ZBTB7C: variants seen among roughly 807,000 people sequenced by gnomAD.
The protein encoded by ZBTB7C is zinc finger and BTB domain containing 7C.
ZBTB7C carries 8 observed loss-of-function variants against 25.7 expected under a neutral mutation model. That is an observed-to-expected ratio of 0.31 (90% CI 0.18 to 0.56). ZBTB7C has a LOEUF of 0.56. Among genes scored for constraint, ZBTB7C ranks in the 20% least tolerant of loss-of-function variants. The pLI, the probability that ZBTB7C is intolerant of heterozygous loss-of-function variation, is 0.91. For missense variants in ZBTB7C, 824 were observed against 855.2 expected (o/e 0.96, Z 0.46); for synonymous variants, 394 against 369.0 (o/e 1.07, Z -0.78).
Position 48,400,329 on chromosome 18 carries a change from T to G in ZBTB7C, c.-304+8897A>C, listed in dbSNP as rs1372126122. ...GGGAAGGGACTAAATTTGCTTTCTG[T>G]GTCTTTCTTTCAGGAGTTAAAGAAC... On this transcript the variant is annotated intron_variant, in intron 1 of 4. Transcript: ENST00000590800. 3.3e-5 allele frequency among the ~76,000 whole-genome samples: 5 copies of G among 152,362 alleles called. No individual in the cohort carries two copies. The East Asian group carries it at 9.6e-4, about 29-fold the overall frequency.
At position 48,099,896 on chromosome 18, in the gene ZBTB7C, G is replaced by A. The variant is rs575786245; in HGVS notation, c.-16-58773C>T. 7.2e-5 allele frequency among the ~76,000 whole-genome samples: 11 copies of A among 152,302 alleles called. No individual in the cohort carries two copies. The South Asian group carries it at 1.0e-3, about 14-fold the overall frequency. ...AAGGCTCAAAGTGCCTCCCCCAGAC[G>A]TATTTCTGAACACAGTTCCCTTTTA... On this transcript the variant is annotated intron_variant, in intron 3 of 4. Transcript: ENST00000590800.
At chr18:48,328,073 T>G (rs2046264165) in intron 2 of ZBTB7C, among the ~76,000 whole-genome samples, 1 of 151,024 alleles carries the variant, frequency 6.6e-6, no homozygotes, top group Non-Finnish European at 1.5e-5. Context: ...TCCCAGCTAC[T>G]TGGGAGGCTG....
chr18:48,259,992 A>G (rs1269572472), intron 2 of ZBTB7C, among the ~76,000 whole-genome samples: 1 of 152,244 alleles, frequency 6.6e-6, no homozygotes, highest in African/African-American at 2.4e-5. Flanking sequence ...CACACAGTCC[A>G]ATCATTCCCT....
chr18:48,217,790 A>C (rs935200080), intron 2 of ZBTB7C, among the ~76,000 whole-genome samples: 1 of 152,154 alleles, frequency 6.6e-6, no homozygotes, highest in African/African-American at 2.4e-5. Context: ...GTCTGGCCTG[A>C]CTAGAGGGTG....
chr18:48,071,517 T>C (rs1484789034), intron 3 of ZBTB7C, among the ~76,000 whole-genome samples: 1 of 152,164 alleles, frequency 6.6e-6, no homozygotes, highest in Admixed American at 6.5e-5. Context: ...TGTAGAGAAA[T>C]TGGAACCCTT....
At chr18:48,137,422 AC>A (rs1568248126) in intron 3 of ZBTB7C, 2 of 635,170 alleles carry the variant, frequency 3.1e-6, no homozygotes, top group East Asian at 1.4e-4. Flanking sequence ...GTTTCCCCCC[AC>A]TCTCCTTCTC....
chr18:48,385,326 T>C (rs2047724566), intron 1 of ZBTB7C, among the ~76,000 whole-genome samples: 1 of 152,224 alleles, frequency 6.6e-6, no homozygotes, highest in African/African-American at 2.4e-5. Flanking sequence ...CAAATCACAG[T>C]ACCTACAATG....
intron 2 of ZBTB7C, among the ~76,000 whole-genome samples, chr18:48,251,110 G>T (rs112430958): frequency 7.0e-4 from 106 of 152,100 alleles, no homozygotes; most frequent in African/African-American, 2.5e-3. Flanking sequence ...TGTAGTCCCG[G>T]CTACTCAGGA....
intron 1 of ZBTB7C, among the ~76,000 whole-genome samples, chr18:48,352,824 G>C (rs1254816644): frequency 6.6e-6 from 1 of 152,110 alleles, no homozygotes; most frequent in Non-Finnish European, 1.5e-5. Flanking sequence ...AAGGCGCAGG[G>C]GGTAGCTCTG....
chr18:48,248,236 C>T (rs1027831853), intron 2 of ZBTB7C, among the ~76,000 whole-genome samples: 1 of 152,028 alleles, frequency 6.6e-6, no homozygotes, highest in Non-Finnish European at 1.5e-5. Flanking sequence ...GTGCCTTCCA[C>T]CATGATTGTA....
At chr18:48,276,550 G>A (rs2044661433) in intron 2 of ZBTB7C, among the ~76,000 whole-genome samples, 1 of 114,822 alleles carries the variant, frequency 8.7e-6, no homozygotes, top group Non-Finnish European at 1.8e-5. Flanking sequence ...AATATGCGGT[G>A]TTTGGTTTTT....
chr18:48,370,523 G>A (rs922012123), intron 1 of ZBTB7C, among the ~76,000 whole-genome samples: 4 of 152,134 alleles, frequency 2.6e-5, no homozygotes, highest in African/African-American at 9.7e-5. Context: ...AATATCCTGG[G>A]TGTGATATTG....
At chr18:48,333,556 T>C (rs1443664078) in intron 2 of ZBTB7C, among the ~76,000 whole-genome samples, 1 of 152,222 alleles carries the variant, frequency 6.6e-6, no homozygotes, top group Non-Finnish European at 1.5e-5. Context: ...GCCAGGTCAA[T>C]AACCTTATCC....
At chr18:48,127,047 C>T (rs756813219) in intron 3 of ZBTB7C, among the ~76,000 whole-genome samples, 18 of 152,186 alleles carry the variant, frequency 1.2e-4, no homozygotes, top group Non-Finnish European at 2.5e-4. Context: ...AAGGCCACCA[C>T]TTATGGAGTG....
intron 3 of ZBTB7C, among the ~76,000 whole-genome samples, chr18:48,168,291 G>A (rs571867520): frequency 6.6e-6 from 1 of 152,362 alleles, no homozygotes; most frequent in East Asian, 1.9e-4. Flanking sequence ...CTGCACCAAA[G>A]TTTTCAGATC....
chr18:48,064,258 C>T (rs2037236170), intron 3 of ZBTB7C, among the ~76,000 whole-genome samples: 1 of 152,224 alleles, frequency 6.6e-6, no homozygotes, highest in Admixed American at 6.5e-5. Flanking sequence ...GAGGTCTTAA[C>T]AAGAAGCTCT....
intron 3 of ZBTB7C, among the ~76,000 whole-genome samples, chr18:48,180,148 T>TTCCTTCC (rs1568282872): frequency 1.0e-3 from 37 of 35,648 alleles, no homozygotes; most frequent in South Asian, 3.5e-3. Flanking sequence ...TCCTTCCTTC[T>TTCCTTCC]TTCCCTCCCT....
intron 3 of ZBTB7C, among the ~76,000 whole-genome samples, chr18:48,053,271 G>C (rs1461126657): frequency 3.9e-5 from 6 of 152,190 alleles, no homozygotes; most frequent in Admixed American, 3.9e-4. Context: ...AATGTGCACA[G>C]ATTCATTACA....
intron 2 of ZBTB7C, among the ~76,000 whole-genome samples, chr18:48,203,756 G>A (rs886950666): frequency 3.3e-5 from 5 of 152,140 alleles, no homozygotes; most frequent in Admixed American, 1.3e-4. Context: ...CCTGAAGCAG[G>A]AGCTGTGTCC....
Sources: allele counts gnomAD v4.1 joint callset (sites outside exome capture counted in the v4.1 genomes callset), GRCh38; gene constraint gnomAD v4.1.1; transcripts MANE v1.5; gene names NCBI Gene and HGNC (gene_info 2026-07-23, HGNC 2026-07-21).